The following UBR1 variants were observed in gnomAD, a reference collection of about 807,000 sequenced individuals.
UBR1 encodes E3 ubiquitin-protein ligase UBR1.
In UBR1, 102 loss-of-function variants were observed where a neutral mutation model predicts 242.1. That is an observed-to-expected ratio of 0.42 (90% confidence interval 0.36 to 0.50). The LOEUF (loss-of-function observed/expected upper bound fraction) is 0.50. UBR1 is among the 20% of genes least tolerant of loss of function. The pLI is 0.01. For missense variants in UBR1, 1,772 were observed against 2,101.8 expected, an observed-to-expected ratio of 0.84 and a Z score of 3.07; for synonymous variants, 675 against 684.8, an observed-to-expected ratio of 0.99 and a Z score of 0.22.
At chr15:42,956,490 T>C (rs1250933207) in intron 44 of UBR1, among the ~76,000 whole-genome samples, 1 of 152,184 alleles carries the variant, frequency 6.6e-6, no homozygotes, top group Non-Finnish European at 1.5e-5. Context: ...TGGCTAATTT[T>C]TGTATTTTTA....
Position 42,970,578 on chromosome 15 carries a change from T to C in UBR1, c.4399A>G (p.Ser1467Gly), listed in dbSNP as rs1323634286. ...GLPLAQVQED[S>G]EEAHSASSFF... ...GAAGATGCGGAATGAGCCTCTTCAC[T>C]GTCTTCTTGAACCTGAGCAAGGGGT... Residue 1467 changes from serine (S) to glycine (G), a missense_variant, in exon 40 of 47, where the codon AGT (serine) becomes GGT (glycine). By Grantham distance (56) the Ser-to-Gly change is moderately conservative. This residue lies in a region of UBR1 where 965 missense variants were observed against 1,079.7 expected (regional missense o/e 0.89). Transcript: ENST00000290650. 3.1e-6 allele frequency: 5 copies of C among 1,613,774 alleles called. No homozygotes were observed. Among genetic ancestry groups the C allele is most frequent in the African/African-American group, 1.3e-5 (1 of 74,954 alleles).
In UBR1 at chr15:43,026,863, G is replaced by A. The variant is rs188855940; in HGVS notation, c.2433-200C>T. On this transcript the variant is annotated intron_variant, in intron 22 of 46. Transcript: ENST00000290650. ...CAAAGCCTGATAACAGCTAAGCTGT[G>A]TTTTATAATAATGAAATTCAAACAA... Among the ~76,000 whole-genome samples, 12 of 152,230 alleles carry A rather than the reference G, an allele frequency of 7.9e-5. No homozygotes were observed. In the East Asian group the frequency reaches 2.3e-3, roughly 29 times the overall value.
At chr15:42,952,199 T>C (rs2031845371) in intron 45 of UBR1, 79 bp downstream of exon 45, 1 of 1,556,612 alleles carries the variant, frequency 6.4e-7, no homozygotes, top group Non-Finnish European at 8.9e-7. Context: ...ATCAACACAC[T>C]GTCCCACCAT....
intron 23 of UBR1, 95 bp from the exon 24 acceptor site, chr15:43,025,524 A>G: frequency 1.2e-6 from 1 of 856,288 alleles, no homozygotes; most frequent in East Asian, 2.6e-5. Flanking sequence ...CACCTATTAA[A>G]ATACTTTATA....
rs999530579 is a variant in UBR1, at chr15:43,062,165, G to A, written c.799-2051C>T. On this transcript the variant is annotated intron_variant, in intron 6 of 46. Coordinates refer to ENST00000290650, the MANE Select transcript of UBR1 (RefSeq NM_174916.3). ...ATGTACCCAAAAGAACTGAAAGCAAGGACTTGAACGGACTTTTGTGTATCC... is the reference window on the plus strand; with the variant it reads ...ATGTACCCAAAAGAACTGAAAGCAAAGACTTGAACGGACTTTTGTGTATCC... Among the ~76,000 whole-genome samples the A allele has an allele frequency of 1.3e-4, 20 of 152,206 alleles. No individual in the cohort carries two copies. The South Asian group carries it at 2.1e-3, about 16-fold the overall frequency.
chr15:43,050,879 C>T (rs537361320), intron 12 of UBR1, among the ~76,000 whole-genome samples: 1 of 152,218 alleles, frequency 6.6e-6, no homozygotes, highest in African/African-American at 2.4e-5. Flanking sequence ...CAATGAGATA[C>T]CATCTCACAC....
At chr15:43,023,426 T>C (rs1341409082) in intron 25 of UBR1, among the ~76,000 whole-genome samples, 1 of 151,600 alleles carries the variant, frequency 6.6e-6, no homozygotes, top group Non-Finnish European at 1.5e-5. Context: ...ACCTTGTCTC[T>C]ACTAAAAATA....
Position 43,022,692 on chromosome 15 carries a change from T to A in UBR1, c.2839+10A>T, listed in dbSNP as rs751356632. On this transcript the variant is annotated intron_variant, in intron 26 of 46. Coordinates refer to ENST00000290650, the MANE Select transcript of UBR1 (RefSeq NM_174916.3). ...TGACAAATGTGTTGAAGAGTGATAC[T>A]CAAACATACTTGAAGCCTTATGATA... 17 of 1,584,726 alleles carry A rather than the reference T, an allele frequency of 1.1e-5. No individual in the cohort carries two copies. Among genetic ancestry groups the A allele is most frequent in the Non-Finnish European group, 1.5e-5 (17 of 1,155,134 alleles).
Position 43,051,053 on chromosome 15 carries a change from A to G in UBR1, c.1440-2562T>C, listed in dbSNP as rs373136611. On this transcript the variant is annotated intron_variant, in intron 12 of 46. Coordinates refer to ENST00000290650, the MANE Select transcript of UBR1 (RefSeq NM_174916.3). The stretch of plus-strand genomic sequence containing the variant: ...AGACCTAAAAACAGAAATGTCATTC[A>G]ACCCGGCAATTTCATTACCGGGTAT... Among the ~76,000 whole-genome samples the G allele has an allele frequency of 9.8e-5, 15 of 152,304 alleles. 1 individual carries two copies. The East Asian group carries it at 2.7e-3, about 27-fold the overall frequency.
At chr15:43,031,838 T>C (rs2033261568) in intron 20 of UBR1, among the ~76,000 whole-genome samples, 1 of 152,124 alleles carries the variant, frequency 6.6e-6, no homozygotes, top group African/African-American at 2.4e-5. Flanking sequence ...CTGGCCAATA[T>C]GGTGAAACCC....
chr15:43,061,748 A>G (rs1443507096), intron 6 of UBR1, among the ~76,000 whole-genome samples: 2 of 142,402 alleles, frequency 1.4e-5, no homozygotes, highest in African/African-American at 5.2e-5. Context: ...GATGTGTGGG[A>G]GCTAAGCTAT....
chr15:43,021,508 G>T lies in UBR1; in HGVS notation c.2840-133C>A. On this transcript the variant is annotated intron_variant, in intron 26 of 46. Coordinates refer to ENST00000290650, the MANE Select transcript of UBR1 (RefSeq NM_174916.3). Reference sequence around the variant, plus strand: ...CAATTCCCTTATGTAAAATGGTGTAGTATTTGCATAAAATCTATACACATG... The same window carrying T: ...CAATTCCCTTATGTAAAATGGTGTATTATTTGCATAAAATCTATACACATG... 9 of 759,728 alleles carry T rather than the reference G, an allele frequency of 1.2e-5. No individual in the cohort carries two copies. In the South Asian group the frequency reaches 1.2e-4, roughly 10 times the overall value. 47.1% of individuals were successfully genotyped at this position (759,728 alleles called of 1,614,324 possible). A position where few individuals can be genotyped will look rare whatever the true frequency, so the allele number is the denominator to read the frequency against.
chr15:43,003,873 C>T lies in UBR1; in HGVS notation c.3473G>A (p.Ser1158Asn), dbSNP rs761994943. 8 of 1,614,136 alleles carry T rather than the reference C, an allele frequency of 5.0e-6. No homozygotes were observed. Among genetic ancestry groups the T allele is most frequent in the Non-Finnish European group, 5.1e-6 (6 of 1,180,022 alleles). ...CACTGCGTGCATTACATGACCACAG[C>T]TTCCTGTATAAGTTCCATATGCCAA... The part of the protein sequence containing the change: ...PDLAYGTYTG[S>N]CGHVMHAVCW... The change falls in exon 31 of 47, where the codon AGC (serine) becomes AAC (asparagine). Residue 1158 changes from serine (S) to asparagine (N), a missense_variant. This residue lies in a region of UBR1 where 965 missense variants were observed against 1,079.7 expected (regional missense o/e 0.89). Coordinates refer to ENST00000290650, the MANE Select transcript of UBR1 (RefSeq NM_174916.3).
intron 39 of UBR1, among the ~76,000 whole-genome samples, chr15:42,976,171 T>C (rs542678744): frequency 1.5e-4 from 23 of 152,358 alleles, no homozygotes; most frequent in African/African-American, 5.1e-4. Context: ...ACCAGATACT[T>C]GCAGTTTTAG....
intron 1 of UBR1, chr15:43,092,090 C>G (rs1314969889): frequency 4.6e-6 from 2 of 434,048 alleles, no homozygotes; most frequent in African/African-American, 4.1e-5. Context: ...TCTCAAAAAA[C>G]AAAACAAATT....
chr15:42,961,273 C>T (rs763749880), intron 42 of UBR1, among the ~76,000 whole-genome samples: 3 of 151,722 alleles, frequency 2.0e-5, no homozygotes, highest in Admixed American at 1.3e-4. Flanking sequence ...CCACCATGCC[C>T]GGTTAATTTT....
chr15:43,004,268 T>TA (rs2032769511), intron 30 of UBR1, among the ~76,000 whole-genome samples: 1 of 152,152 alleles, frequency 6.6e-6, no homozygotes, highest in Non-Finnish European at 1.5e-5. Flanking sequence ...ATTTGATAAA[T>TA]AATAATTTTA....
intron 1 of UBR1, among the ~76,000 whole-genome samples, chr15:43,097,430 G>A (rs1029388707): frequency 4.6e-5 from 7 of 152,212 alleles, no homozygotes; most frequent in East Asian, 1.9e-4. Context: ...TGCATTAGCC[G>A]CTAGCAAGAG....
intron 21 of UBR1, among the ~76,000 whole-genome samples, chr15:43,028,048 G>T (rs2033199905): frequency 1.3e-5 from 2 of 152,072 alleles, no homozygotes; most frequent in Non-Finnish European, 2.9e-5. Flanking sequence ...TTTAAGAAAG[G>T]TTATCTAAGT....
Sources: allele counts gnomAD v4.1 joint callset (sites outside exome capture counted in the v4.1 genomes callset), GRCh38; gene constraint gnomAD v4.1.1; regional missense constraint gnomAD v4.1.1; transcripts MANE v1.5; gene names NCBI Gene and HGNC (gene_info 2026-07-23, HGNC 2026-07-21).